Variants in NLK observed in about 807,000 individuals in gnomAD.
NLK encodes the protein nemo like kinase.
NLK carries 11 observed loss-of-function variants against 59.0 expected under a neutral mutation model. The observed-to-expected ratio is 0.19, with a 90% CI of 0.12 to 0.31. NLK has a LOEUF of 0.31. Ranked by LOEUF, NLK falls within the 10% of genes least tolerant of loss-of-function variation. The pLI, the probability that NLK is intolerant of heterozygous loss-of-function variation, is 1.00. For missense variants in NLK, 410 were observed against 661.1 expected, an observed-to-expected ratio of 0.62 and a Z score of 4.16; for synonymous variants, 235 against 235.9, an observed-to-expected ratio of 1.00 and a Z score of 0.03.
intron 7 of NLK, among the ~76,000 whole-genome samples, chr17:28,180,304 C>T (rs915953399): frequency 1.3e-5 from 2 of 152,162 alleles, no homozygotes; most frequent in Non-Finnish European, 2.9e-5. Flanking sequence ...TCATTCCATA[C>T]CCAGTTGTCT....
At chr17:28,186,278 T>G (rs1567740970) in intron 8 of NLK, among the ~76,000 whole-genome samples, 1 of 152,156 alleles carries the variant, frequency 6.6e-6, no homozygotes, top group Non-Finnish European at 1.5e-5. Flanking sequence ...CAGCAAAGAT[T>G]AGGGATAAAA....
At chr17:28,111,863 T>A (rs1905496489) in intron 1 of NLK, among the ~76,000 whole-genome samples, 1 of 101,552 alleles carries the variant, frequency 9.8e-6, no homozygotes, top group Non-Finnish European at 1.9e-5. Flanking sequence ...GCTTATACCG[T>A]GTGTGTGTGT....
chr17:28,120,333 C>T (rs754308744), intron 1 of NLK, among the ~76,000 whole-genome samples: 13 of 151,720 alleles, frequency 8.6e-5, no homozygotes, highest in Admixed American at 1.3e-4. Context: ...GTCTCAAACT[C>T]CTGGCCTCAA....
At chr17:28,156,561 T>C (rs1567730785) in intron 3 of NLK, among the ~76,000 whole-genome samples, 2 of 152,090 alleles carry the variant, frequency 1.3e-5, no homozygotes, top group African/African-American at 2.4e-5. Flanking sequence ...ACACACACTT[T>C]TTTTGTGGGA....
At chr17:28,161,289 AAGGTGC>A in intron 4 of NLK, 23 bp downstream of exon 4, 1 of 1,284,852 alleles carries the variant, frequency 7.8e-7, no homozygotes, top group Non-Finnish European at 1.1e-6. Context: ...TATGAAGAAA[AAGGTGC>A]TGTCACACTG....
chr17:28,136,737 G>A (rs1035270419), intron 3 of NLK, among the ~76,000 whole-genome samples: 25 of 152,058 alleles, frequency 1.6e-4, no homozygotes, highest in African/African-American at 6.0e-4. Context: ...CCAAGTAGCT[G>A]GGATTACAGG....
intron 3 of NLK, among the ~76,000 whole-genome samples, chr17:28,134,151 G>A (rs1258940776): frequency 2.0e-5 from 3 of 152,154 alleles, no homozygotes; most frequent in Non-Finnish European, 4.4e-5. Context: ...CCAGCACTTT[G>A]GGAGGCTCAG....
At chr17:28,050,487 G>A (rs1296339473) in intron 1 of NLK, among the ~76,000 whole-genome samples, 2 of 152,204 alleles carry the variant, frequency 1.3e-5, no homozygotes, top group African/African-American at 2.4e-5. Flanking sequence ...AAGATTTTAC[G>A]AGGGGATGAT....
intron 4 of NLK, among the ~76,000 whole-genome samples, chr17:28,162,931 G>A (rs1270479773): frequency 2.0e-5 from 3 of 150,334 alleles, no homozygotes; most frequent in South Asian, 2.1e-4. Flanking sequence ...AAAAAAAAAA[G>A]AAAAGAAAAA....
At chr17:28,152,565 C>CA (rs1017395014) in intron 3 of NLK, among the ~76,000 whole-genome samples, 5 of 148,182 alleles carry the variant, frequency 3.4e-5, no homozygotes, top group East Asian at 2.0e-4. Context: ...CTGGCAAAAG[C>CA]AAAAAAAAAG....
intron 1 of NLK, among the ~76,000 whole-genome samples, chr17:28,073,804 C>T (rs970611260): frequency 2.6e-5 from 4 of 152,232 alleles, no homozygotes; most frequent in East Asian, 1.9e-4. Context: ...TACTCTTTTA[C>T]GTTTGTTTCT....
intron 1 of NLK, 88 bp from the exon 2 acceptor site, chr17:28,122,515 A>G (rs892223061): frequency 7.2e-7 from 1 of 1,382,698 alleles, no homozygotes; most frequent in African/African-American, 1.4e-5. Context: ...AGATAAAGAT[A>G]TTGTCATGAT....
At chr17:28,187,428 G>A (rs760535101) in intron 8 of NLK, among the ~76,000 whole-genome samples, 1 of 152,152 alleles carries the variant, frequency 6.6e-6, no homozygotes, top group Admixed American at 6.6e-5. Context: ...TCAGCCTCCT[G>A]AGTAGCTGGG....
chr17:28,191,296 A>C (rs748139380), intron 9 of NLK, 77 bp downstream of exon 9: 4 of 1,131,206 alleles, frequency 3.5e-6, no homozygotes, highest in Non-Finnish European at 5.0e-6. Flanking sequence ...AAGAGCTGAG[A>C]TCTGGATGGT....
rs538497915 is a variant in NLK at position 28,181,321 on chromosome 17, C to G, written c.1150-3858C>G. On this transcript the variant is annotated intron_variant, in intron 7 of 10. Transcript: ENST00000407008. ...GGCTGAGGCAGGAGAATCGCTTCAA[C>G]CTGGGAGGTGGAGGTTGCAGTGAGC... 2.2e-4 allele frequency among the ~76,000 whole-genome samples: 34 copies of G among 152,160 alleles called. No homozygotes were observed. The South Asian group carries it at 6.4e-3, about 29-fold the overall frequency.
intron 1 of NLK, among the ~76,000 whole-genome samples, chr17:28,098,675 C>CTTTTT (rs781294029): frequency 2.4e-3 from 164 of 67,372 alleles, no homozygotes; most frequent in Admixed American, 2.9e-3. Context: ...CATTACCATT[C>CTTTTT]TTTTTTTTTT....
At chr17:28,202,374 C>T in the NLK span, among the ~76,000 whole-genome samples, 9 of 151,296 alleles carry the variant, frequency 5.9e-5, no homozygotes, top group East Asian at 1.2e-3. Flanking sequence ...CCTGCCTGGG[C>T]GGTCTCAAAC....
chr17:28,064,759 G>C (rs1567703552), intron 1 of NLK, among the ~76,000 whole-genome samples: 1 of 152,128 alleles, frequency 6.6e-6, no homozygotes, highest in Non-Finnish European at 1.5e-5. Flanking sequence ...ACATTCTGCT[G>C]TTTTTTATTG....
At chr17:28,147,766 T>C (rs1014345515) in intron 3 of NLK, among the ~76,000 whole-genome samples, 2 of 152,208 alleles carry the variant, frequency 1.3e-5, no homozygotes, top group African/African-American at 4.8e-5. Context: ...CTGTCCTCCA[T>C]GATAACGTTT....
Sources: allele counts gnomAD v4.1 joint callset (sites outside exome capture counted in the v4.1 genomes callset), GRCh38; gene constraint gnomAD v4.1.1; transcripts MANE v1.5; gene names NCBI Gene and HGNC (gene_info 2026-07-23, HGNC 2026-07-21).